Variants in RSU1 observed in about 807,000 individuals in gnomAD.
RSU1 encodes Ras suppressor protein 1, also known as rsu-1.
RSU1 carries 26 observed loss-of-function variants against 31.1 expected under a neutral mutation model. The ratio of observed to expected loss-of-function variants is 0.84; its 90% CI spans 0.61 to 1.16. RSU1 has a LOEUF of 1.16. RSU1 is among the 50% of genes most tolerant of loss of function. The pLI, the probability that RSU1 is intolerant of heterozygous loss-of-function variation, is 0.00. For missense variants in RSU1, 320 were observed against 339.1 expected (o/e 0.94, Z 0.44); for synonymous variants, 164 against 136.3 (o/e 1.20, Z -1.41).
chr10:16,814,619 G>A (rs564025849), intron 2 of RSU1, among the ~76,000 whole-genome samples: 13 of 152,254 alleles, frequency 8.5e-5, no homozygotes, highest in African/African-American at 1.4e-4. Flanking sequence ...CCTAGGCTCC[G>A]AGAAGTCCTG....
chr10:16,750,107 C>A (rs897849185), intron 7 of RSU1, among the ~76,000 whole-genome samples: 2 of 152,196 alleles, frequency 1.3e-5, no homozygotes, highest in Non-Finnish European at 2.9e-5. Flanking sequence ...AAAACATTTA[C>A]AGTGCCTTGC....
In RSU1 at chr10:16,811,261, G is replaced by A. The variant is rs143178553; in HGVS notation, c.109+5712C>T. Among the ~76,000 whole-genome samples the A allele has an allele frequency of 3.3e-3, 497 of 152,314 alleles. 3 individuals carry two copies. Among genetic ancestry groups the A allele is most frequent in the African/African-American group, 0.012 (483 of 41,572 alleles). ...GTAGTAGGCTACACCATCTGGGTGT[G>A]TGTAGGGACATTCTGGGAATGACCA... On this transcript the variant is annotated intron_variant, in intron 2 of 8. Coordinates refer to ENST00000345264, the MANE Select transcript of RSU1 (RefSeq NM_012425.4).
intron 3 of RSU1, among the ~76,000 whole-genome samples, chr10:16,768,337 T>C (rs1293223446): frequency 6.6e-6 from 1 of 152,240 alleles, no homozygotes; most frequent in Non-Finnish European, 1.5e-5. Flanking sequence ...ATCAATGATA[T>C]GGCTTTAAAT....
intron 8 of RSU1, among the ~76,000 whole-genome samples, chr10:16,657,250 T>C (rs1203370207): frequency 6.6e-6 from 1 of 152,210 alleles, no homozygotes; most frequent in East Asian, 1.9e-4. Context: ...TGTGGAAATT[T>C]TTCCCTAAGA....
chr10:16,731,313 C>T (rs775465763), intron 7 of RSU1, among the ~76,000 whole-genome samples: 7 of 151,744 alleles, frequency 4.6e-5, no homozygotes, highest in Admixed American at 2.0e-4. Flanking sequence ...GCCTGTAGTC[C>T]CAGCTACTTG....
chr10:16,738,296 A>G (rs1430662535), intron 7 of RSU1, among the ~76,000 whole-genome samples: 2 of 152,066 alleles, frequency 1.3e-5, no homozygotes, highest in African/African-American at 4.8e-5. Flanking sequence ...AAAAAAATAC[A>G]AAAAATTAGC....
intron 7 of RSU1, among the ~76,000 whole-genome samples, chr10:16,728,982 A>T (rs553588230): frequency 6.6e-5 from 10 of 152,326 alleles, no homozygotes; most frequent in Non-Finnish European, 1.5e-4. Context: ...AGCATAAGAG[A>T]ATAAATCGGT....
rs1835977613 is a variant in RSU1 at position 16,709,631 on chromosome 10, AT to A, written c.599-14477del. 2.0e-5 allele frequency among the ~76,000 whole-genome samples: 3 copies of A among 152,078 alleles called. No homozygotes were observed. The South Asian group carries it at 6.2e-4, about 32-fold the overall frequency. On this transcript the variant is annotated intron_variant, in intron 7 of 8. Coordinates refer to ENST00000345264, the MANE Select transcript of RSU1 (RefSeq NM_012425.4). ...CCACCAACAGTATAAAAGTGTTCCT[AT>A]TTTTCCACATCCTCTCCAGCACCTG...
chr10:16,642,207 A>G (rs1588689703), intron 8 of RSU1, among the ~76,000 whole-genome samples: 1 of 152,294 alleles, frequency 6.6e-6, no homozygotes, highest in East Asian at 1.9e-4. Flanking sequence ...CGTTACTGAA[A>G]AAAACAGTGA....
At chr10:16,729,204 T>G (rs1836454789) in intron 7 of RSU1, among the ~76,000 whole-genome samples, 1 of 152,216 alleles carries the variant, frequency 6.6e-6, no homozygotes, top group African/African-American at 2.4e-5. Context: ...TACTTTTGTC[T>G]TGGCACAGAA....
chr10:16,628,078 A>C (rs1834188496), intron 8 of RSU1, among the ~76,000 whole-genome samples: 1 of 152,190 alleles, frequency 6.6e-6, no homozygotes, highest in Non-Finnish European at 1.5e-5. Context: ...TAGCTCTGAC[A>C]CTCACAGAGG....
intron 3 of RSU1, among the ~76,000 whole-genome samples, chr10:16,771,860 G>C (rs1016547335): frequency 6.6e-6 from 1 of 152,200 alleles, no homozygotes; most frequent in Non-Finnish European, 1.5e-5. Context: ...CATTTAAAAG[G>C]TTCTACATGT....
chr10:16,638,250 C>T (rs776975920), intron 8 of RSU1, among the ~76,000 whole-genome samples: 1 of 152,168 alleles, frequency 6.6e-6, no homozygotes, highest in Non-Finnish European at 1.5e-5. Flanking sequence ...AACTGCATAT[C>T]AGAAAACAGT....
At chr10:16,693,908 T>C (rs1835618813) in intron 8 of RSU1, among the ~76,000 whole-genome samples, 2 of 152,116 alleles carry the variant, frequency 1.3e-5, no homozygotes, top group African/African-American at 4.8e-5. Flanking sequence ...TAAAAGTTGA[T>C]GTCAGACACA....
intron 7 of RSU1, among the ~76,000 whole-genome samples, chr10:16,736,480 C>A (rs928185306): frequency 6.6e-6 from 1 of 152,120 alleles, no homozygotes; most frequent in Non-Finnish European, 1.5e-5. Context: ...CCAAGTCTAA[C>A]AGGCATTAAA....
intron 7 of RSU1, among the ~76,000 whole-genome samples, chr10:16,751,305 C>T (rs1836974650): frequency 6.6e-6 from 1 of 152,186 alleles, no homozygotes; most frequent in Non-Finnish European, 1.5e-5. Context: ...TGCTCCTCAG[C>T]CCTTAAAAAA....
intron 2 of RSU1, among the ~76,000 whole-genome samples, chr10:16,804,686 G>C (rs1838228030): frequency 6.6e-6 from 1 of 152,174 alleles, no homozygotes; most frequent in Admixed American, 6.5e-5. Context: ...AATCTTAAAT[G>C]CATGTTGCTA....
chr10:16,652,450 A>G (rs1834703778), intron 8 of RSU1, among the ~76,000 whole-genome samples: 1 of 150,916 alleles, frequency 6.6e-6, no homozygotes, highest in South Asian at 2.1e-4. Flanking sequence ...CTTAAGTGGA[A>G]AAAAACATTT....
intron 8 of RSU1, among the ~76,000 whole-genome samples, chr10:16,674,263 G>T (rs1835178724): frequency 6.6e-6 from 1 of 152,134 alleles, no homozygotes; most frequent in Admixed American, 6.5e-5. Flanking sequence ...ATAGCTGGTT[G>T]GGAAAGGCTG....
Sources: allele counts gnomAD v4.1 joint callset (sites outside exome capture counted in the v4.1 genomes callset), GRCh38; gene constraint gnomAD v4.1.1; transcripts MANE v1.5; gene names NCBI Gene and HGNC (gene_info 2026-07-23, HGNC 2026-07-21).